Variants in FREM2 observed in about 807,000 individuals in gnomAD.
FREM2 encodes FRAS1 related extracellular matrix 2.
FREM2 carries 119 observed loss-of-function variants against 219.9 expected under a neutral mutation model. The observed-to-expected ratio is 0.54, with a 90% CI of 0.47 to 0.63. The LOEUF (loss-of-function observed/expected upper bound fraction) is 0.63. Among genes scored for constraint, FREM2 ranks in the 30% least tolerant of loss-of-function variants. The pLI, the probability that FREM2 is intolerant of heterozygous loss-of-function variation, is 0.00. For missense variants in FREM2, 4,030 were observed against 3,993.6 expected (o/e 1.01, Z -0.25); for synonymous variants, 1,562 against 1,522.8 (o/e 1.03, Z -0.60).
chr13:38,860,828 A>G (rs913915785), intron 14 of FREM2, among the ~76,000 whole-genome samples: 2 of 152,252 alleles, frequency 1.3e-5, no homozygotes, highest in Non-Finnish European at 2.9e-5. Flanking sequence ...TGAGACAGAA[A>G]GAGATGAATA....
At chr13:38,749,368 C>T (rs912930582) in intron 2 of FREM2, among the ~76,000 whole-genome samples, 2 of 152,152 alleles carry the variant, frequency 1.3e-5, no homozygotes, top group Non-Finnish European at 2.9e-5. Flanking sequence ...AAAAGTTCTG[C>T]ATATTTATGT....
intron 6 of FREM2, among the ~76,000 whole-genome samples, chr13:38,815,252 G>A (rs1487635724): frequency 1.3e-5 from 2 of 152,040 alleles, no homozygotes; most frequent in Non-Finnish European, 2.9e-5. Flanking sequence ...GTATCTGGCT[G>A]TTTCCTTAAG....
intron 2 of FREM2, among the ~76,000 whole-genome samples, chr13:38,707,459 T>C (rs1347205917): frequency 6.6e-6 from 1 of 152,214 alleles, no homozygotes; most frequent in African/African-American, 2.4e-5. Flanking sequence ...ATGAAGGAAG[T>C]GAGGACACAA....
At chr13:38,843,872 A>G (rs1156358882) in intron 6 of FREM2, among the ~76,000 whole-genome samples, 1 of 151,532 alleles carries the variant, frequency 6.6e-6, no homozygotes, top group African/African-American at 2.4e-5. Flanking sequence ...TGGCACAAGA[A>G]ACTAGGTAGT....
intron 14 of FREM2, 110 bp from the exon 15 acceptor site, chr13:38,861,321 A>G (rs1312783300): frequency 1.8e-6 from 2 of 1,094,326 alleles, no homozygotes; most frequent in Non-Finnish European, 2.7e-6. Context: ...CCTACTCCAC[A>G]GAGAAGTTGA....
At chr13:38,699,879 A>C (rs1380239737) in intron 2 of FREM2, among the ~76,000 whole-genome samples, 1 of 152,084 alleles carries the variant, frequency 6.6e-6, no homozygotes, top group Non-Finnish European at 1.5e-5. Context: ...AACTTAATTA[A>C]CTGTAGTGAT....
At chr13:38,799,091 A>G (rs545338286) in intron 6 of FREM2, among the ~76,000 whole-genome samples, 137 of 152,022 alleles carry the variant, frequency 9.0e-4, no homozygotes, top group Non-Finnish European at 1.4e-3. Flanking sequence ...AAGTATTTCT[A>G]CATTTTCGAT....
At chr13:38,731,525 A>G (rs901081323) in intron 2 of FREM2, among the ~76,000 whole-genome samples, 1 of 152,216 alleles carries the variant, frequency 6.6e-6, no homozygotes, top group Non-Finnish European at 1.5e-5. Flanking sequence ...AGAAAGCAGG[A>G]CAGTAACCAC....
rs58652353 is a variant in FREM2 at position 38,851,259 on chromosome 13, A to G, written c.6742+151A>G. ...TTGAGAAACAGCAAAAAGACAAACA[A>G]ATGGGGAACAAAATAAACCATTAAA... On this transcript the variant is annotated intron_variant, in intron 10 of 23. Coordinates refer to ENST00000280481, the MANE Select transcript of FREM2 (RefSeq NM_207361.6). 2.5e-4 allele frequency: 183 copies of G among 722,086 alleles called. No individual in the cohort carries two copies. In the African/African-American group the frequency reaches 3.1e-3, roughly 12 times the overall value. The allele number at this position is 722,086 out of a possible 1,614,324, so 44.7% of individuals were successfully genotyped here.
At chr13:38,765,946 C>G (rs1873417570) in intron 3 of FREM2, among the ~76,000 whole-genome samples, 1 of 152,172 alleles carries the variant, frequency 6.6e-6, no homozygotes. Flanking sequence ...ATTCTCTGTG[C>G]ACATGTGCAC....
In FREM2 at chr13:38,864,444, A is replaced by C. The variant is rs1424535627; in HGVS notation, c.7821A>C (p.Gly2607=). 1.2e-6 allele frequency: 2 copies of C among 1,614,170 alleles called. No homozygotes were observed. The highest frequency in any genetic ancestry group is 2.2e-5 in the South Asian group (2 of 91,084). Residue 2607 remains glycine, a synonymous_variant, in exon 16 of 24, where the codon GGA becomes GGC. Coordinates refer to ENST00000280481, the MANE Select transcript of FREM2 (RefSeq NM_207361.6). Reference sequence around the variant, plus strand: ...CTACCAAAAATCCAGAAATAATTGGAGAGACATATCCTTACCAGTACAGCT... The same window carrying C: ...CTACCAAAAATCCAGAAATAATTGGCGAGACATATCCTTACCAGTACAGCT... The part of the protein sequence containing the change: ...TDATKNPEII[G]ETYPYQYSLS...
In FREM2 at chr13:38,817,302, TTC is replaced by T. The variant is rs556810749; in HGVS notation, c.6020-29270_6020-29269del. Among the ~76,000 whole-genome samples the T allele has an allele frequency of 7.8e-4, 119 of 152,176 alleles. 1 individual carries two copies. The highest frequency in any genetic ancestry group is 2.7e-3 in the African/African-American group (113 of 41,542). ...AGCTGGAAGCTTCATACTACCTCAC[TTC>T]AAAATATACTACAAAGCTATAGTAA... On this transcript the variant is annotated intron_variant, in intron 6 of 23. Transcript: ENST00000280481.
At chr13:38,841,233 A>C (rs1876950763) in intron 6 of FREM2, among the ~76,000 whole-genome samples, 1 of 152,210 alleles carries the variant, frequency 6.6e-6, no homozygotes, top group African/African-American at 2.4e-5. Context: ...CCAGTGTTAA[A>C]GACGCTGAAA....
intron 15 of FREM2, among the ~76,000 whole-genome samples, chr13:38,861,910 T>C (rs1339743707): frequency 6.6e-6 from 1 of 152,222 alleles, no homozygotes; most frequent in Non-Finnish European, 1.5e-5. Context: ...ACCTTCAACA[T>C]GTGTTGCAGT....
chr13:38,790,366 T>C (rs1874512597), intron 6 of FREM2, among the ~76,000 whole-genome samples: 1 of 152,010 alleles, frequency 6.6e-6, no homozygotes, highest in Admixed American at 6.6e-5. Context: ...AGTACTCTAT[T>C]TTTTTTTCAA....
chr13:38,824,943 C>G (rs1360877716), intron 6 of FREM2, among the ~76,000 whole-genome samples: 2 of 151,714 alleles, frequency 1.3e-5, no homozygotes, highest in African/African-American at 2.4e-5. Flanking sequence ...CCAGCCTAAA[C>G]CCAGGCAGCT....
chr13:38,775,736 A>G (rs893337793), intron 4 of FREM2, among the ~76,000 whole-genome samples: 3 of 152,300 alleles, frequency 2.0e-5, no homozygotes, highest in African/African-American at 7.2e-5. Context: ...CACCTGCCTC[A>G]GCCTCCCAAA....
chr13:38,848,880 C>T (rs950538596), intron 8 of FREM2, among the ~76,000 whole-genome samples: 2 of 152,098 alleles, frequency 1.3e-5, no homozygotes, highest in African/African-American at 2.4e-5. Context: ...TTGGCAGGCT[C>T]GCTTCCTTCT....
intron 4 of FREM2, among the ~76,000 whole-genome samples, chr13:38,773,034 TATTGGCTTCTCACATTTTATA>T (rs1379588894): frequency 6.6e-6 from 1 of 152,156 alleles, no homozygotes; most frequent in Non-Finnish European, 1.5e-5. Flanking sequence ...CATATACATG[TATTGGCTTCTCACATTTTATA>T]ATTATGGTCT....
Sources: gnomAD v4.1 joint callset for allele counts (sites outside exome capture counted in the v4.1 genomes callset) on GRCh38, gnomAD v4.1.1 for gene constraint, MANE v1.5 for transcripts, NCBI Gene and HGNC (gene_info 2026-07-23, HGNC 2026-07-21) for gene names.